The following TRIP10 variants were observed in gnomAD, a reference collection of about 807,000 sequenced individuals.
TRIP10 encodes the protein thyroid hormone receptor interactor 10, also known as cdc42-interacting protein 4.
Under a neutral mutation model 80.9 loss-of-function variants are expected in TRIP10, and 54 were observed. That is an observed-to-expected ratio of 0.67 (90% CI 0.54 to 0.84). The LOEUF is 0.84. Among genes scored for constraint, TRIP10 ranks in the 40% least tolerant of loss-of-function variants. The pLI, the probability that TRIP10 is intolerant of heterozygous loss-of-function variation, is 0.00. For missense variants in TRIP10, 773 were observed against 815.3 expected (o/e 0.95, Z 0.63); for synonymous variants, 321 against 307.2 (o/e 1.04, Z -0.47).
intron 12 of TRIP10, 99 bp from the exon 13 acceptor site, chr19:6,750,193 C>G: frequency 5.1e-6 from 8 of 1,578,452 alleles, no homozygotes; most frequent in Admixed American, 1.7e-5. Context: ...TCCATCACAG[C>G]CTTGGCTGTG....
Position 6,746,086 on chromosome 19 carries a change from G to T in TRIP10, c.1042G>T (p.Gly348Ter), listed in dbSNP as rs1282693397. 2.2e-6 allele frequency: 3 copies of T among 1,372,706 alleles called. No individual in the cohort carries two copies. The East Asian group carries it at 1.1e-4, about 49-fold the overall frequency. 85.0% of individuals were successfully genotyped at this position (1,372,706 alleles called of 1,614,324 possible). ...GGPVPSALPN[G>*]PPSPRSGRDP... The stretch of plus-strand genomic sequence containing the variant: ...CCCCGTACCCTCGGCATTGCCTAAC[G>T]GACCCCCGTCCCCCCGCTCCGGCCG... Residue 348 changes from glycine to a stop codon, truncating the protein, a stop_gained, in exon 10 of 15, where the codon GGA becomes TGA. Coordinates refer to ENST00000313244, the MANE Select transcript of TRIP10 (RefSeq NM_001288962.2). LOFTEE classifies it high-confidence loss of function. This position sits in a 1 kb window ranked among gnomAD's most constrained non-coding sequence, Gnocchi z 6.2.
At chr19:6,743,670 C>G (rs772673964) in intron 6 of TRIP10, 38 bp from the exon 7 acceptor site, 1 of 1,612,164 alleles carries the variant, frequency 6.2e-7, no homozygotes. Flanking sequence ...GGGACGTGAT[C>G]GGAACCTGGC....
At chr19:6,747,051 C>T (rs1969157307) in intron 11 of TRIP10, among the ~76,000 whole-genome samples, 1 of 152,228 alleles carries the variant, frequency 6.6e-6, no homozygotes. Flanking sequence ...TGGCCAGGTG[C>T]AGTGGCCTGT....
In TRIP10 at chr19:6,751,291, T is replaced by C. The variant is rs1364205429; in HGVS notation, c.*80T>C. 3.7e-6 allele frequency: 6 copies of C among 1,601,748 alleles called. No individual in the cohort carries two copies. Among genetic ancestry groups the C allele is most frequent in the Admixed American group, 1.7e-5 (1 of 59,224 alleles). ...GGAGCCCCAGGACCTATGCACTTTA[T>C]TTCTGACCCCGTGGCTTCGGCTGAG... is the stretch of plus-strand genomic sequence containing the variant. On this transcript the variant is annotated 3_prime_UTR_variant, in exon 15 of 15. Transcript: ENST00000313244.
chr19:6,743,008 T>C lies in TRIP10; in HGVS notation c.239T>C (p.Val80Ala). Residue 80 changes from valine to alanine, a missense_variant, in exon 4 of 15, where the codon GTG (valine) becomes GCG (alanine). Physicochemically the swap from Val to Ala is moderately conservative, Grantham distance 64. Transcript: ENST00000313244. ...QQSFVQILQE[V>A]NDFAGQRELV... ...TCCTTCGTACAGATTCTCCAGGAGG[T>C]GAATGACTTTGCAGGCCAGCGGGAG... is the stretch of plus-strand genomic sequence containing the variant. 6.2e-7 allele frequency: 1 copy of C among 1,613,902 alleles called. No individual in the cohort carries two copies. Among genetic ancestry groups the C allele is most frequent in the Non-Finnish European group, 8.5e-7 (1 of 1,179,976 alleles).
chr19:6,750,037 C>T lies in TRIP10; in HGVS notation c.1366C>T (p.Arg456Trp), dbSNP rs541652162. The T allele has an allele frequency of 2.1e-5, 33 of 1,583,110 alleles. No individual in the cohort carries two copies. The highest frequency in any genetic ancestry group is 8.3e-5 in the African/African-American group (6 of 72,284). The change falls in exon 12 of 15, where the codon CGG (arginine) becomes TGG (tryptophan). Residue 456 changes from arginine (R) to tryptophan (W), a missense_variant. By Grantham distance (101) the Arg-to-Trp change is moderately radical. Transcript: ENST00000313244. ...QIAETLSNIE[R>W]LKLEVQKYEA... ...CGCTGAAACCCTGAGCAACATTGAA[C>T]GGCTGAAATTGGAAGTGCAGAAGTA...
At chr19:6,749,881 A>C in intron 11 of TRIP10, 53 bp from the exon 12 acceptor site, 2 of 1,581,938 alleles carry the variant, frequency 1.3e-6, no homozygotes. Context: ...ACAGCAACAA[A>C]AAAACTCACA....
At position 6,751,246 on chromosome 19, in the gene TRIP10, C is replaced by T. The variant is rs537223084; in HGVS notation, c.*35C>T. 1 of 1,613,352 alleles carries T rather than the reference C, an allele frequency of 6.2e-7. No homozygotes were observed. The highest frequency in any genetic ancestry group is 1.1e-5 in the South Asian group (1 of 91,016). On this transcript the variant is annotated 3_prime_UTR_variant, in exon 15 of 15. Transcript: ENST00000313244. ...GAGACGGGAAGAGGGGGGCTGTCGG[C>T]TGCTGCTTCTGGGCCACGGGGAGCC...
intron 3 of TRIP10, 51 bp from the exon 4 acceptor site, chr19:6,742,916 C>G: frequency 6.2e-7 from 1 of 1,601,486 alleles, no homozygotes; most frequent in Non-Finnish European, 8.5e-7. Context: ...CATCAGCCTG[C>G]TCGGGAGGAG....
Position 6,746,468 on chromosome 19 carries a change from AT to A in TRIP10, c.1173del (p.Phe391LeufsTer34). The stretch of plus-strand genomic sequence containing the variant: ...ACCTTGCAGACAGTGGTGACCGAGG[AT>A]TTTAGCCACTTGCCCCCAGAGCAGC... Reference protein sequence around the residue: ...RGSRGTVVTEDFSHLPPEQQR... With the variant: ...RGSRGTVVTEXFSHLPPEQQR... On this transcript the variant is annotated frameshift_variant, in exon 11 of 15. Coordinates refer to ENST00000313244, the MANE Select transcript of TRIP10 (RefSeq NM_001288962.2). LOFTEE classifies it high-confidence loss of function. The surrounding 1 kb of genome is among the most constrained non-coding windows in gnomAD (Gnocchi z 6.2). The A allele has an allele frequency of 6.2e-7, 1 of 1,614,128 alleles. No individual in the cohort carries two copies. The highest frequency in any genetic ancestry group is 8.5e-7 in the Non-Finnish European group (1 of 1,180,014).
intron 11 of TRIP10, chr19:6,748,799 A>C (rs1286421512): frequency 2.0e-5 from 3 of 152,212 alleles, no homozygotes; most frequent in Non-Finnish European, 4.4e-5. Flanking sequence ...TCTCAAAAAA[A>C]GATAAAAAAT....
At chr19:6,739,853 A>G (rs559254146) in intron 1 of TRIP10, 68 bp downstream of exon 1, 170 of 1,382,324 alleles carry the variant, frequency 1.2e-4, no homozygotes, top group South Asian at 6.6e-4. Context: ...TTTGTCCCCA[A>G]TGTATCTTAG....
In TRIP10 at chr19:6,744,637, G is replaced by A. The variant is rs1257227157; in HGVS notation, c.726G>A (p.Val242=). The change falls in exon 8 of 15, where the codon GTG becomes GTA. Residue 242 remains valine (V), a synonymous_variant. Transcript: ENST00000313244. This position sits in a 1 kb window ranked among gnomAD's most constrained non-coding sequence, Gnocchi z 4.9. ...TGTCGGAGGCCGAGCTGGAGGTGGT[G>A]CCCATAATAGCCAAGTGCTTGGAGG... ...GLLSEAELEV[V]PIIAKCLEGM... is the part of the protein sequence containing the mutation. 10 of 1,613,306 alleles carry A rather than the reference G, an allele frequency of 6.2e-6. No individual in the cohort carries two copies. Among genetic ancestry groups the A allele is most frequent in the Admixed American group, 1.7e-5 (1 of 59,796 alleles).
rs759491260 is a variant in TRIP10 at position 6,744,599 on chromosome 19, G to A, written c.688G>A (p.Gly230Arg). 7.4e-6 allele frequency: 12 copies of A among 1,614,048 alleles called. No individual in the cohort carries two copies. The highest frequency in any genetic ancestry group is 3.3e-5 in the Admixed American group (2 of 59,996). Residue 230 changes from glycine (G) to arginine (R), a missense_variant, in exon 8 of 15, where the codon GGG becomes AGG. Gly to Arg is a moderately radical substitution (Grantham distance 125). Coordinates refer to ENST00000313244, the MANE Select transcript of TRIP10 (RefSeq NM_001288962.2). The surrounding 1 kb of genome is among the most constrained non-coding windows in gnomAD (Gnocchi z 4.9). ...DERRATRLGA[G>R]YGLLSEAELE... ...ACGCAGGGCCACCCGCCTGGGTGCC[G>A]GGTATGGGCTCCTGTCGGAGGCCGA...
chr19:6,741,333 T>C (rs761802665), intron 3 of TRIP10, 52 bp downstream of exon 3: 1 of 1,561,780 alleles, frequency 6.4e-7, no homozygotes, highest in Non-Finnish European at 8.7e-7. Flanking sequence ...AGGCGGTGCT[T>C]GGGTCTCACT....
At chr19:6,747,590 C>T (rs903373801) in intron 11 of TRIP10, among the ~76,000 whole-genome samples, 4 of 151,682 alleles carry the variant, frequency 2.6e-5, no homozygotes, top group African/African-American at 4.8e-5. Context: ...GTCAGGAGTT[C>T]GAGACCAGCC....
At position 6,744,708 on chromosome 19, in the gene TRIP10, C is replaced by T. The variant is rs1289723663; in HGVS notation, c.789+8C>T. On this transcript the variant is annotated splice_region_variant and intron_variant, in intron 8 of 14. Coordinates refer to ENST00000313244, the MANE Select transcript of TRIP10 (RefSeq NM_001288962.2). The surrounding 1 kb of genome is among the most constrained non-coding windows in gnomAD (Gnocchi z 4.9). Reference sequence around the variant, plus strand: ...GCTGTGGATCCCAAGAACGTGGGTGCCTGGTCTGGGTCCACTGGGCTACGG... The same window carrying T: ...GCTGTGGATCCCAAGAACGTGGGTGTCTGGTCTGGGTCCACTGGGCTACGG... The T allele has an allele frequency of 1.1e-5, 17 of 1,595,788 alleles. No homozygotes were observed. Among genetic ancestry groups the T allele is most frequent in the Non-Finnish European group, 1.4e-5 (16 of 1,169,850 alleles).
In TRIP10 at chr19:6,746,114, A is replaced by G; in HGVS notation, c.1070A>G (p.Asp357Gly). The change falls in exon 10 of 15, where the codon GAC becomes GGC. Residue 357 changes from aspartate to glycine, a missense_variant. Transcript: ENST00000313244. This position sits in a 1 kb window ranked among gnomAD's most constrained non-coding sequence, Gnocchi z 6.2. ...NGPPSPRSGR[D>G]PLAILSEISK... ...CCCCCGTCCCCCCGCTCCGGCCGTG[A>G]CCCCTTGGCCATACTGAGCGAGATC... is the stretch of plus-strand genomic sequence containing the variant. 6.6e-7 allele frequency: 1 copy of G among 1,521,002 alleles called. No homozygotes were observed. The highest frequency in any genetic ancestry group is 1.4e-5 in the African/African-American group (1 of 70,078). The allele number at this position is 1,521,002 out of a possible 1,614,324, so 94.2% of individuals were successfully genotyped here.
Position 6,745,039 on chromosome 19 carries a change from A to C in TRIP10, c.984+45A>C. On this transcript the variant is annotated intron_variant, in intron 9 of 14. Coordinates refer to ENST00000313244, the MANE Select transcript of TRIP10 (RefSeq NM_001288962.2). This position sits in a 1 kb window ranked among gnomAD's most constrained non-coding sequence, Gnocchi z 7.2. ...GGATGGTGGGGGAGAAGGACAGTGA[A>C]GTGGGGACAGTGGGGCCCCTATTGA... 2 of 1,579,140 alleles carry C rather than the reference A, an allele frequency of 1.3e-6. No homozygotes were observed. The highest frequency in any genetic ancestry group is 1.7e-6 in the Non-Finnish European group (2 of 1,163,944).
Sources: gnomAD v4.1 joint callset for allele counts (sites outside exome capture counted in the v4.1 genomes callset) on GRCh38, gnomAD v4.1.1 for gene constraint, Gnocchi (gnomAD v3.1) non-coding constraint, MANE v1.5 for transcripts, NCBI Gene and HGNC (gene_info 2026-07-23, HGNC 2026-07-21) for gene names.